The following DPH6 variants were observed in gnomAD, a reference collection of about 807,000 sequenced individuals.
The protein encoded by DPH6 is diphthine--ammonia ligase.
Under a neutral mutation model 38.2 loss-of-function variants are expected in DPH6, and 33 were observed. The observed-to-expected ratio is 0.86, with a 90% CI of 0.65 to 1.15. The LOEUF (loss-of-function observed/expected upper bound fraction) is 1.15. DPH6 is among the 50% of genes most tolerant of loss of function. DPH6 has a pLI of 0.00. For synonymous variants in DPH6, 108 were observed against 103.0 expected, an observed-to-expected ratio of 1.05 and a Z score of -0.30; for missense variants, 325 against 320.0, an observed-to-expected ratio of 1.02 and a Z score of -0.12.
intron 3 of DPH6, among the ~76,000 whole-genome samples, chr15:35,478,804 T>C (rs1166323909): frequency 6.6e-6 from 1 of 151,972 alleles, no homozygotes; most frequent in Non-Finnish European, 1.5e-5. Context: ...AATAAGAGGA[T>C]TTAGAAGCTC....
chr15:35,452,585 T>G (rs1212277612), intron 4 of DPH6, among the ~76,000 whole-genome samples: 1 of 152,164 alleles, frequency 6.6e-6, no homozygotes, highest in Non-Finnish European at 1.5e-5. Context: ...TATCACTATT[T>G]TTTTCATTTA....
chr15:35,530,447 G>C (rs2055069484), intron 3 of DPH6, among the ~76,000 whole-genome samples: 1 of 152,174 alleles, frequency 6.6e-6, no homozygotes, highest in Admixed American at 6.5e-5. Context: ...TAGATGATAA[G>C]ATAGGAAGAA....
chr15:35,358,346 A>G (rs1307669807), intron 3 of DPH6, among the ~76,000 whole-genome samples: 40 of 152,080 alleles, frequency 2.6e-4, no homozygotes. Flanking sequence ...CTCTCTGATT[A>G]GTTTAGTAAC....
downstream of DPH6, among the ~76,000 whole-genome samples, chr15:35,214,649 C>T (rs1470838490): frequency 6.6e-6 from 1 of 152,106 alleles, no homozygotes; most frequent in Admixed American, 6.5e-5. Flanking sequence ...CTCTTCTTAC[C>T]CAAGCTGGAG....
At chr15:35,327,831 T>A (rs2052297357), downstream of DPH6, among the ~76,000 whole-genome samples, 1 of 152,176 alleles carries the variant, frequency 6.6e-6, no homozygotes, top group East Asian at 1.9e-4. Flanking sequence ...GTATTTTGAG[T>A]AACTTTAGAG....
chr15:35,180,639 TTC>T, the DPH6 span, among the ~76,000 whole-genome samples: 1 of 152,116 alleles, frequency 6.6e-6, no homozygotes, highest in Non-Finnish European at 1.5e-5. Context: ...TTTTTTAACT[TTC>T]TTTTTTCTTT....
At chr15:35,201,890 A>G in the DPH6 span, among the ~76,000 whole-genome samples, 4 of 151,728 alleles carry the variant, frequency 2.6e-5, no homozygotes, top group Non-Finnish European at 4.4e-5. Flanking sequence ...CAACGTCACT[A>G]TACATTTATG....
chr15:35,278,845 T>G (rs941059270), intron 3 of DPH6, among the ~76,000 whole-genome samples: 2 of 151,978 alleles, frequency 1.3e-5, no homozygotes, highest in African/African-American at 4.8e-5. Flanking sequence ...ATCAGAAAAT[T>G]GAGACCATCC....
chr15:35,295,521 C>T (rs146899648), intron 3 of DPH6, among the ~76,000 whole-genome samples: 18 of 152,330 alleles, frequency 1.2e-4, no homozygotes, highest in African/African-American at 4.3e-4. Flanking sequence ...ACTACACCAC[C>T]ACTTTCATTG....
chr15:35,413,972 T>G (rs2053404149), intron 5 of DPH6, among the ~76,000 whole-genome samples: 3 of 151,772 alleles, frequency 2.0e-5, no homozygotes, highest in African/African-American at 7.2e-5. Flanking sequence ...TTTTAAAGTC[T>G]TAATGTATTA....
intron 3 of DPH6, among the ~76,000 whole-genome samples, chr15:35,261,542 T>TC (rs1555389864): frequency 3.3e-5 from 5 of 150,856 alleles, no homozygotes; most frequent in Non-Finnish European, 7.4e-5. Context: ...AAAGTTAGTT[T>TC]AAAAAAAAAG....
intron 7 of DPH6, among the ~76,000 whole-genome samples, chr15:35,380,143 A>AT (rs1340911951): frequency 6.6e-6 from 1 of 152,184 alleles, no homozygotes; most frequent in Non-Finnish European, 1.5e-5. Flanking sequence ...GTTATTGTTG[A>AT]TTTGCCTGTC....
chr15:35,212,631 ATAT>A (rs1447427025), downstream of DPH6, among the ~76,000 whole-genome samples: 14 of 152,380 alleles, frequency 9.2e-5, no homozygotes, highest in African/African-American at 3.4e-4. Context: ...AGAGCAAAGC[ATAT>A]TATTAGGTTG....
intron 3 of DPH6, among the ~76,000 whole-genome samples, chr15:35,504,578 C>T (rs2054669696): frequency 6.6e-6 from 1 of 151,774 alleles, no homozygotes. Context: ...CTGGGTCATT[C>T]TTTTATTGAT....
Position 35,261,832 on chromosome 15 carries a change from TAA to T in DPH6, n.201-41252_201-41251del, listed in dbSNP as rs34849713. Reference sequence around the variant, plus strand: ...TGGGCAACAGAGCAAGACCCTCTCTTAAAAAAAAAAAAATGAAACTCTTCCTA... The same window carrying T: ...TGGGCAACAGAGCAAGACCCTCTCTTAAAAAAAAAAATGAAACTCTTCCTA... On this transcript the variant is annotated intron_variant and non_coding_transcript_variant, in intron 3 of 3. Transcript: ENST00000560386. 0.024 allele frequency among the ~76,000 whole-genome samples: 3,564 copies of T among 147,052 alleles called. 337 individuals carry two copies. The East Asian group carries it at 0.33, about 14-fold the overall frequency.
intron 3 of DPH6, among the ~76,000 whole-genome samples, chr15:35,347,597 A>ACTAAATATTTGGACTAACTATTTG: frequency 6.6e-6 from 1 of 151,808 alleles, no homozygotes; most frequent in South Asian, 2.1e-4. Context: ...ATAAACTTGG[A>ACTAAATATTTGGACTAACTATTTG]GTCCAAATAT....
intron 3 of DPH6, among the ~76,000 whole-genome samples, chr15:35,252,510 C>T (rs1238369554): frequency 1.3e-5 from 2 of 152,234 alleles, no homozygotes; most frequent in African/African-American, 2.4e-5. Context: ...GATTCTCTAG[C>T]TACAGAGGAT....
At chr15:35,181,381 G>A in the DPH6 span, among the ~76,000 whole-genome samples, 1 of 150,864 alleles carries the variant, frequency 6.6e-6, no homozygotes, top group East Asian at 2.0e-4. Flanking sequence ...GCCAACATAT[G>A]TAAACGCAGG....
In DPH6 at chr15:35,302,419, G is replaced by C. The variant is rs531018978; in HGVS notation, n.200+71102C>G. On this transcript the variant is annotated intron_variant and non_coding_transcript_variant, in intron 3 of 3. Coordinates refer to the DPH6 transcript ENST00000560386. ...CTTGCCTCCAGCACTTCACATTATT[G>C]GTGTATTATTTCATGCATGCCCTAC... Among the ~76,000 whole-genome samples, 18 of 152,174 alleles carry C rather than the reference G, an allele frequency of 1.2e-4. No homozygotes were observed. In the South Asian group the frequency reaches 3.7e-3, roughly 32 times the overall value.
Sources: gnomAD v4.1 joint callset for allele counts (sites outside exome capture counted in the v4.1 genomes callset) on GRCh38, gnomAD v4.1.1 for gene constraint, MANE v1.5 for transcripts, NCBI Gene and HGNC (gene_info 2026-07-23, HGNC 2026-07-21) for gene names.